Variants in PXDN observed in about 807,000 individuals in gnomAD.
The protein encoded by PXDN is peroxidasin, also known as peroxidasin homolog.
Under a neutral mutation model 140.3 loss-of-function variants are expected in PXDN, and 77 were observed. The observed-to-expected ratio is 0.55, with a 90% CI of 0.46 to 0.66. The LOEUF (loss-of-function observed/expected upper bound fraction) is 0.66. Ranked by LOEUF, PXDN falls within the 30% of genes least tolerant of loss-of-function variation. The pLI is 0.00. For synonymous variants in PXDN, 911 were observed against 857.4 expected (o/e 1.06, Z -1.09); for missense variants, 1,838 against 2,039.5 (o/e 0.90, Z 1.90).
In PXDN at chr2:1,666,266, A is replaced by G. The variant is rs759183762; in HGVS notation, c.1239T>C (p.Ser413=). The part of the protein sequence containing the change: ...VQGDSGEYAC[S]ATNNIDSVHA... Reference sequence around the variant, plus strand: ...GGACGCTGTCAATGTTGTTGGTCGCAGAGCACGCATACTCTCCGCTGTCCC... The same window carrying G: ...GGACGCTGTCAATGTTGTTGGTCGCGGAGCACGCATACTCTCCGCTGTCCC... The change falls in exon 10 of 23, where the codon TCT becomes TCC. Residue 413 remains serine (S), a synonymous_variant. Coordinates refer to ENST00000252804, the MANE Select transcript of PXDN (RefSeq NM_012293.3). 12 of 1,613,928 alleles carry G rather than the reference A, an allele frequency of 7.4e-6. No individual in the cohort carries two copies. The highest frequency in any genetic ancestry group is 1.0e-5 in the Non-Finnish European group (12 of 1,179,902).
intron 3 of PXDN, among the ~76,000 whole-genome samples, chr2:1,688,102 G>C (rs1684102365): frequency 6.6e-6 from 1 of 152,138 alleles, no homozygotes; most frequent in East Asian, 1.9e-4. Flanking sequence ...AAAATACCTA[G>C]AAATAATTTG....
intron 1 of PXDN, among the ~76,000 whole-genome samples, chr2:1,705,260 T>G (rs1214857979): frequency 6.6e-6 from 1 of 152,100 alleles, no homozygotes; most frequent in Non-Finnish European, 1.5e-5. Context: ...CAAACCCACA[T>G]GACCCACTGA....
intron 6 of PXDN, 99 bp downstream of exon 6, chr2:1,683,557 T>C: frequency 2.0e-6 from 1 of 491,212 alleles, no homozygotes; most frequent in South Asian, 3.4e-5. Flanking sequence ...ATCAGATTGT[T>C]ATCAACATTT....
At chr2:1,700,379 T>C (rs1256430087) in intron 1 of PXDN, among the ~76,000 whole-genome samples, 1 of 152,196 alleles carries the variant, frequency 6.6e-6, no homozygotes, top group Non-Finnish European at 1.5e-5. Context: ...GGATTTTTTT[T>C]TTCTTTGAGT....
rs146809945 is a variant in PXDN, at chr2:1,679,494, GGTGT to G, written c.730+695_730+698del. On this transcript the variant is annotated intron_variant, in intron 7 of 22. Transcript: ENST00000252804. Reference sequence around the variant, plus strand: ...GTCTATAAATGGTTTGTGTGTAAATGGTGTGTGTGTGTATGTGCGTGTGTGTGGT... The same window carrying G: ...GTCTATAAATGGTTTGTGTGTAAATGGTGTGTGTATGTGCGTGTGTGTGGT... Among the ~76,000 whole-genome samples, 336 of 149,102 alleles carry G rather than the reference GGTGT, an allele frequency of 2.3e-3. 2 individuals carry two copies. Among genetic ancestry groups the G allele is most frequent in the African/African-American group, 7.7e-3 (310 of 40,392 alleles).
At chr2:1,703,347 T>G (rs1283152607) in intron 1 of PXDN, among the ~76,000 whole-genome samples, 1 of 3,758 alleles carries the variant, frequency 2.7e-4, no homozygotes, top group Non-Finnish European at 4.2e-4. Context: ...CAACTCCAGG[T>G]GAAGGGGGGG....
At chr2:1,693,034 T>C in intron 2 of PXDN, 29 bp downstream of exon 2, 1 of 1,496,374 alleles carries the variant, frequency 6.7e-7, no homozygotes, top group South Asian at 1.2e-5. Context: ...TATTTTTCTA[T>C]TAGTTTCCAA....
At chr2:1,729,936 G>GACAC (rs1468515204) in intron 1 of PXDN, among the ~76,000 whole-genome samples, 1 of 152,298 alleles carries the variant, frequency 6.6e-6, no homozygotes, top group African/African-American at 2.4e-5. Context: ...TTATTGAACA[G>GACAC]ACACACAATC....
intron 1 of PXDN, among the ~76,000 whole-genome samples, chr2:1,734,948 C>T (rs1685397345): frequency 6.6e-6 from 1 of 152,162 alleles, no homozygotes; most frequent in Admixed American, 6.5e-5. Flanking sequence ...CTGCTTTATC[C>T]ACTAGGTTTA....
At chr2:1,744,216 C>T (rs1685633696) in intron 1 of PXDN, 40 bp downstream of exon 1, 16 of 1,452,374 alleles carry the variant, frequency 1.1e-5, no homozygotes, top group Admixed American at 2.3e-5. Flanking sequence ...CTCCACGAAG[C>T]CCCGGACCCC....
chr2:1,696,784 G>A (rs1363795399), intron 1 of PXDN, among the ~76,000 whole-genome samples: 1 of 152,186 alleles, frequency 6.6e-6, no homozygotes, highest in Non-Finnish European at 1.5e-5. Flanking sequence ...ACGTGTTACT[G>A]GAGGGGACTT....
chr2:1,673,606 C>T, intron 9 of PXDN, 37 bp downstream of exon 9: 5 of 1,587,112 alleles, frequency 3.2e-6, no homozygotes, highest in Non-Finnish European at 4.3e-6. Context: ...GACGACAATT[C>T]TGGATGGAAC....
intron 1 of PXDN, among the ~76,000 whole-genome samples, chr2:1,717,162 A>G (rs1684915114): frequency 6.6e-6 from 1 of 152,262 alleles, no homozygotes; most frequent in Admixed American, 6.5e-5. Context: ...AACGCTGGCC[A>G]TGAGAAAGCT....
intron 1 of PXDN, among the ~76,000 whole-genome samples, chr2:1,705,894 A>C (rs910914639): frequency 2.0e-5 from 3 of 152,080 alleles, no homozygotes; most frequent in African/African-American, 4.8e-5. Flanking sequence ...GCCCTTTTGG[A>C]GAGTTTCCCG....
intron 9 of PXDN, among the ~76,000 whole-genome samples, chr2:1,669,400 A>G (rs998831212): frequency 1.3e-5 from 2 of 152,242 alleles, no homozygotes; most frequent in African/African-American, 4.8e-5. Flanking sequence ...GCAAACTACC[A>G]TGGCACATGT....
chr2:1,738,423 A>G (rs79205287), intron 1 of PXDN, among the ~76,000 whole-genome samples: 3,303 of 152,288 alleles, frequency 0.022, 132 homozygotes, highest in African/African-American at 0.075. Context: ...GCAGGACTGC[A>G]TGCATTTGCA....
At chr2:1,637,376 G>A (rs1432485616) in intron 21 of PXDN, among the ~76,000 whole-genome samples, 2 of 151,822 alleles carry the variant, frequency 1.3e-5, no homozygotes, top group Non-Finnish European at 2.9e-5. Flanking sequence ...CTAGGCTGCG[G>A]AGGGAGGAAG....
At position 1,662,052 on chromosome 2, in the gene PXDN, T is replaced by A; in HGVS notation, c.1680+20A>T. ...ACCTTGTATCTGGGTGGTGGCTGGC[T>A]CGGGCACCAGACCGCCTACCTTGTT... is the stretch of plus-strand genomic sequence containing the variant. On this transcript the variant is annotated intron_variant, in intron 13 of 22. Transcript: ENST00000252804. The A allele has an allele frequency of 1.3e-6, 2 of 1,562,378 alleles. No individual in the cohort carries two copies. The highest frequency in any genetic ancestry group is 1.7e-6 in the Non-Finnish European group (2 of 1,152,336).
chr2:1,723,543 T>C (rs1444433691), intron 1 of PXDN, among the ~76,000 whole-genome samples: 1 of 152,050 alleles, frequency 6.6e-6, no homozygotes, highest in Admixed American at 6.5e-5. Flanking sequence ...TGAGTTGTTA[T>C]GGATGAATGG....
Sources: gnomAD v4.1 joint callset for allele counts (sites outside exome capture counted in the v4.1 genomes callset) on GRCh38, gnomAD v4.1.1 for gene constraint, MANE v1.5 for transcripts, NCBI Gene and HGNC (gene_info 2026-07-23, HGNC 2026-07-21) for gene names.